Variants in UVRAG observed in about 807,000 individuals in gnomAD.
UVRAG encodes the protein UV radiation resistance-associated gene protein.
Under a neutral mutation model 78.0 loss-of-function variants are expected in UVRAG, and 19 were observed. The ratio of observed to expected loss-of-function variants is 0.24; its 90% CI spans 0.17 to 0.36. The LOEUF (loss-of-function observed/expected upper bound fraction) is 0.36. Among genes scored for constraint, UVRAG ranks in the 10% least tolerant of loss-of-function variants. The pLI, the probability that UVRAG is intolerant of heterozygous loss-of-function variation, is 1.00. For missense variants in UVRAG, 740 were observed against 853.8 expected, an observed-to-expected ratio of 0.87 and a Z score of 1.66; for synonymous variants, 323 against 324.6, an observed-to-expected ratio of 1.00 and a Z score of 0.05.
intron 6 of UVRAG, among the ~76,000 whole-genome samples, chr11:75,925,656 C>T (rs1432910383): frequency 2.6e-5 from 4 of 152,042 alleles, no homozygotes; most frequent in African/African-American, 9.7e-5. Context: ...AGTCAGAATC[C>T]GTTCCTTTTC....
intron 14 of UVRAG, among the ~76,000 whole-genome samples, chr11:76,135,230 A>G (rs1053336907): frequency 6.6e-6 from 1 of 152,226 alleles, no homozygotes; most frequent in Non-Finnish European, 1.5e-5. Flanking sequence ...TATAGGTGGG[A>G]TCATAGTGGC....
chr11:75,848,576 T>G (rs1487020834), intron 1 of UVRAG, among the ~76,000 whole-genome samples: 2 of 152,242 alleles, frequency 1.3e-5, no homozygotes, highest in African/African-American at 4.8e-5. Context: ...ATAATATCCA[T>G]GCATCTATTA....
chr11:76,132,477 T>A (rs1952529453), intron 14 of UVRAG, among the ~76,000 whole-genome samples: 1 of 152,090 alleles, frequency 6.6e-6, no homozygotes, highest in Non-Finnish European at 1.5e-5. Context: ...TTGTACTCTG[T>A]CCTCATACTT....
chr11:76,075,091 GCCAAAT>G (rs1951379790), intron 13 of UVRAG, among the ~76,000 whole-genome samples: 1 of 152,084 alleles, frequency 6.6e-6, no homozygotes, highest in Non-Finnish European at 1.5e-5. Flanking sequence ...TTAACATACA[GCCAAAT>G]GTATGTGACA....
chr11:75,881,806 A>G (rs1221990873), intron 4 of UVRAG, among the ~76,000 whole-genome samples: 1 of 152,234 alleles, frequency 6.6e-6, no homozygotes, highest in Non-Finnish European at 1.5e-5. Context: ...ATCATCAGAT[A>G]TAGATTATTA....
chr11:75,909,841 A>G (rs1947696112), intron 5 of UVRAG, among the ~76,000 whole-genome samples: 1 of 152,124 alleles, frequency 6.6e-6, no homozygotes, highest in African/African-American at 2.4e-5. Context: ...CGTGAGGGAT[A>G]TTGGTGTATA....
chr11:75,946,868 A>G (rs1398296602), intron 6 of UVRAG, among the ~76,000 whole-genome samples: 3 of 152,214 alleles, frequency 2.0e-5, no homozygotes, highest in South Asian at 4.1e-4. Context: ...CTGCCATAAC[A>G]AAATACCAGT....
At chr11:75,967,916 A>C (rs995871625) in intron 7 of UVRAG, among the ~76,000 whole-genome samples, 60 of 152,226 alleles carry the variant, frequency 3.9e-4, no homozygotes, top group African/African-American at 1.4e-3. Flanking sequence ...TAAAGATGTC[A>C]GGAACCCTCA....
intron 13 of UVRAG, among the ~76,000 whole-genome samples, chr11:76,069,182 G>A (rs1032818375): frequency 2.0e-5 from 3 of 152,190 alleles, no homozygotes; most frequent in African/African-American, 4.8e-5. Context: ...CCCAAGTTTT[G>A]AAAGCACAAG....
In UVRAG at chr11:76,093,543, G is replaced by A. The variant is rs150925113; in HGVS notation, c.1306-22381G>A. ...TCCTCTTTTATTTAATTGAGCAATG[G>A]TTTGTAGTTCTCCTTGAAGAGGTCC... On this transcript the variant is annotated intron_variant, in intron 13 of 14. Coordinates refer to ENST00000356136, the MANE Select transcript of UVRAG (RefSeq NM_003369.4). Among the ~76,000 whole-genome samples the A allele has an allele frequency of 3.0e-3, 460 of 152,214 alleles. 1 individual carries two copies. Among genetic ancestry groups the A allele is most frequent in the African/African-American group, 0.01 (423 of 41,526 alleles).
chr11:76,092,009 G>A (rs765085786), intron 13 of UVRAG, among the ~76,000 whole-genome samples: 8 of 143,786 alleles, frequency 5.6e-5, no homozygotes, highest in South Asian at 2.4e-4. Context: ...AACAGGCCCC[G>A]GCGTGTGATA....
intron 2 of UVRAG, among the ~76,000 whole-genome samples, chr11:75,860,389 TTG>T (rs1213953757): frequency 6.6e-6 from 1 of 152,270 alleles, no homozygotes. Flanking sequence ...ATTATCTTTC[TTG>T]TGTTTTTCAC....
chr11:75,951,766 A>C (rs2135170239), intron 6 of UVRAG, among the ~76,000 whole-genome samples: 1 of 152,284 alleles, frequency 6.6e-6, no homozygotes, highest in Middle Eastern at 3.4e-3. Context: ...TAGGTCATAA[A>C]ATCTAGTAGT....
chr11:76,101,275 A>G (rs1455229785), intron 13 of UVRAG, among the ~76,000 whole-genome samples: 1 of 151,752 alleles, frequency 6.6e-6, no homozygotes, highest in African/African-American at 2.4e-5. Flanking sequence ...TTTTATTTTT[A>G]ATAATAGCCA....
chr11:75,888,944 A>G, intron 5 of UVRAG, 41 bp downstream of exon 5: 1 of 1,553,490 alleles, frequency 6.4e-7, no homozygotes, highest in South Asian at 1.1e-5. Context: ...TGTTTAGTGC[A>G]GGTGTGCCTT....
chr11:76,137,267 A>G lies in UVRAG; in HGVS notation c.1398-3444A>G, dbSNP rs538974898. The G allele has an allele frequency of 3.5e-5, 16 of 452,542 alleles. No individual in the cohort carries two copies. The East Asian group carries it at 9.8e-4, about 28-fold the overall frequency. The allele number at this position is 452,542 out of a possible 1,614,324, so 28.0% of individuals were successfully genotyped here. On this transcript the variant is annotated intron_variant, in intron 14 of 14. Coordinates refer to ENST00000356136, the MANE Select transcript of UVRAG (RefSeq NM_003369.4). ...CACTGCGGGCAGGGGCACTGATTCA[A>G]CCACCCACAGCGCCAGAGGGGACTC...
intron 13 of UVRAG, among the ~76,000 whole-genome samples, chr11:76,106,757 G>T (rs1951979070): frequency 6.6e-6 from 1 of 152,090 alleles, no homozygotes; most frequent in Non-Finnish European, 1.5e-5. Flanking sequence ...TCAATACAGG[G>T]TATTTTGGGG....
At chr11:75,834,720 A>G (rs983220028) in intron 1 of UVRAG, among the ~76,000 whole-genome samples, 1 of 152,168 alleles carries the variant, frequency 6.6e-6, no homozygotes, top group Non-Finnish European at 1.5e-5. Context: ...AGGCTGAGGC[A>G]GGAGAATTGC....
intron 14 of UVRAG, among the ~76,000 whole-genome samples, chr11:76,138,548 G>A (rs2134513625): frequency 6.6e-6 from 1 of 152,270 alleles, no homozygotes; most frequent in African/African-American, 2.4e-5. Flanking sequence ...TTCCTCTTGT[G>A]CGGCAAGCAC....
Sources: gnomAD v4.1 joint callset for allele counts (sites outside exome capture counted in the v4.1 genomes callset) on GRCh38, gnomAD v4.1.1 for gene constraint, MANE v1.5 for transcripts, NCBI Gene and HGNC (gene_info 2026-07-23, HGNC 2026-07-21) for gene names.